The following FER variants were observed in gnomAD, a reference collection of about 807,000 sequenced individuals.
The protein encoded by FER is FER tyrosine kinase, also known as tyrosine-protein kinase Fer.
Under a neutral mutation model 111.0 loss-of-function variants are expected in FER, and 63 were observed. The observed-to-expected ratio is 0.57, with a 90% CI of 0.46 to 0.70. The LOEUF is 0.70. FER is among the 30% of genes least tolerant of loss of function. The probability of loss-of-function intolerance (pLI) is 0.00; values close to 1 mark genes in which losing one functional copy is unlikely to be tolerated. For missense variants in FER, 914 were observed against 954.0 expected, an observed-to-expected ratio of 0.96 and a Z score of 0.55; for synonymous variants, 327 against 313.9, an observed-to-expected ratio of 1.04 and a Z score of -0.44.
chr5:108,809,560 T>G (rs1238469610), intron 3 of FER, among the ~76,000 whole-genome samples: 2 of 152,170 alleles, frequency 1.3e-5, no homozygotes, highest in African/African-American at 2.4e-5. Context: ...TACTTTGAAT[T>G]TTTTGTTTTG....
chr5:109,016,619 T>C lies in FER; in HGVS notation c.1657-20803T>C, dbSNP rs145502182. On this transcript the variant is annotated intron_variant, in intron 13 of 19. Coordinates refer to ENST00000281092, the MANE Select transcript of FER (RefSeq NM_005246.4). ...CACAGATGTAAATCAAATGACTTAATTGTAGGTCGCTTGTCAAACAAAAAG... is the reference window on the plus strand; with the variant it reads ...CACAGATGTAAATCAAATGACTTAACTGTAGGTCGCTTGTCAAACAAAAAG... 1.2e-3 allele frequency among the ~76,000 whole-genome samples: 184 copies of C among 152,182 alleles called. 3 individuals are homozygous for C. In the East Asian group the frequency reaches 0.034, roughly 28 times the overall value.
chr5:108,749,540 C>A (rs1237289527), intron 1 of FER, among the ~76,000 whole-genome samples: 2 of 152,184 alleles, frequency 1.3e-5, no homozygotes, highest in African/African-American at 4.8e-5. Flanking sequence ...CCCATCCCTT[C>A]CTGCTTCTGG....
chr5:109,004,818 G>A (rs993843076), intron 13 of FER, among the ~76,000 whole-genome samples: 3 of 151,958 alleles, frequency 2.0e-5, no homozygotes, highest in Non-Finnish European at 2.9e-5. Context: ...GTTCATTTTA[G>A]GTTGTTTGTT....
intron 2 of FER, among the ~76,000 whole-genome samples, chr5:108,793,235 T>C (rs892555814): frequency 2.0e-5 from 3 of 152,188 alleles, no homozygotes; most frequent in Admixed American, 1.3e-4. Flanking sequence ...ATTGTCTTTC[T>C]GTGTCTGGCT....
intron 10 of FER, among the ~76,000 whole-genome samples, chr5:108,917,989 A>G (rs1189444621): frequency 6.6e-6 from 1 of 152,208 alleles, no homozygotes; most frequent in Non-Finnish European, 1.5e-5. Flanking sequence ...AGCTAATGAC[A>G]ACAACATTCA....
intron 13 of FER, among the ~76,000 whole-genome samples, chr5:108,962,879 T>A (rs994178923): frequency 4.0e-4 from 61 of 152,318 alleles, no homozygotes; most frequent in African/African-American, 1.4e-3. Context: ...TGAGCCCACA[T>A]TCTTAACCAC....
At chr5:108,764,802 A>T (rs1752136441) in intron 1 of FER, among the ~76,000 whole-genome samples, 1 of 152,338 alleles carries the variant, frequency 6.6e-6, no homozygotes, top group Non-Finnish European at 1.5e-5. Context: ...GGGGATATTT[A>T]TTAGAGAAGT....
chr5:108,891,181 G>A (rs1041894589), intron 9 of FER, among the ~76,000 whole-genome samples: 18 of 152,102 alleles, frequency 1.2e-4, no homozygotes, highest in African/African-American at 4.1e-4. Flanking sequence ...TCCTGTTTTC[G>A]TGAAATACCT....
At chr5:108,808,885 C>T (rs1757465633) in intron 3 of FER, among the ~76,000 whole-genome samples, 1 of 152,164 alleles carries the variant, frequency 6.6e-6, no homozygotes, top group African/African-American at 2.4e-5. Context: ...ATTGGAATTT[C>T]TTTTCTTAAA....
In FER at chr5:108,991,748, G is replaced by A. The variant is rs144261288; in HGVS notation, c.1656+32401G>A. Among the ~76,000 whole-genome samples the A allele has an allele frequency of 1.5e-3, 221 of 151,682 alleles. 3 individuals carry two copies. In the East Asian group the frequency reaches 0.038, roughly 26 times the overall value. On this transcript the variant is annotated intron_variant, in intron 13 of 19. Transcript: ENST00000281092. ...CTATTTTACTCAGGAAAAATTTTCTGTTATAACCACTTTAAAGCTCTCAAG... is the reference window on the plus strand; with the variant it reads ...CTATTTTACTCAGGAAAAATTTTCTATTATAACCACTTTAAAGCTCTCAAG...
At position 108,768,073 on chromosome 5, in the gene FER, C is replaced by G. The variant is rs1309734034; in HGVS notation, c.-205-20C>G. 6.6e-6 allele frequency: 1 copy of G among 152,158 alleles called. No homozygotes were observed. The highest frequency in any genetic ancestry group is 1.5e-5 in the Non-Finnish European group (1 of 68,032). The allele number at this position is 152,158 out of a possible 1,614,324, so 9.4% of individuals were successfully genotyped here. ...TTCTCTGTAGTGAACAGTTCTGACT[C>G]CTTGAATTTCTTCTTGCAGCTCATG... On this transcript the variant is annotated intron_variant, in intron 1 of 19. Coordinates refer to ENST00000281092, the MANE Select transcript of FER (RefSeq NM_005246.4).
chr5:108,757,182 A>G (rs1387444797), intron 1 of FER, among the ~76,000 whole-genome samples: 3 of 152,314 alleles, frequency 2.0e-5, no homozygotes, highest in Admixed American at 6.5e-5. Context: ...AGTTTCAGCT[A>G]TTTGGGAGCA....
chr5:109,135,275 C>T (rs184299810), intron 17 of FER, among the ~76,000 whole-genome samples: 99 of 152,248 alleles, frequency 6.5e-4, no homozygotes, highest in African/African-American at 2.4e-3. Flanking sequence ...TTAATCCTCA[C>T]AAAATCCTTG....
At chr5:109,173,761 C>CT (rs1561990518) in intron 17 of FER, among the ~76,000 whole-genome samples, 1 of 146,736 alleles carries the variant, frequency 6.8e-6, no homozygotes, top group African/African-American at 2.5e-5. Flanking sequence ...GTACCTCCCC[C>CT]CCCCCCACAA....
At chr5:108,775,732 G>A (rs1169846061) in intron 2 of FER, among the ~76,000 whole-genome samples, 1 of 152,136 alleles carries the variant, frequency 6.6e-6, no homozygotes, top group African/African-American at 2.4e-5. Context: ...AATTAAGAAA[G>A]CATAGGAGGA....
chr5:108,849,788 A>C (rs1198242676), intron 5 of FER, among the ~76,000 whole-genome samples: 1 of 152,190 alleles, frequency 6.6e-6, no homozygotes, highest in Non-Finnish European at 1.5e-5. Context: ...AACATTTCTA[A>C]TAAAGCTATA....
intron 13 of FER, among the ~76,000 whole-genome samples, chr5:109,029,223 T>TC (rs1441755970): frequency 1.3e-4 from 20 of 149,370 alleles, no homozygotes; most frequent in African/African-American, 4.4e-4. Context: ...AGGCTTTCTT[T>TC]TTTTTTTTTT....
At chr5:108,907,633 T>C (rs1161602583) in intron 10 of FER, among the ~76,000 whole-genome samples, 1 of 152,088 alleles carries the variant, frequency 6.6e-6, no homozygotes, top group African/African-American at 2.4e-5. Flanking sequence ...GCCATGGATG[T>C]AGATAACCTG....
chr5:109,035,683 T>C (rs1770287421), intron 13 of FER, among the ~76,000 whole-genome samples: 1 of 152,202 alleles, frequency 6.6e-6, no homozygotes. Flanking sequence ...GATGTGTATG[T>C]TTAACTTTAT....
Sources: allele counts gnomAD v4.1 joint callset (sites outside exome capture counted in the v4.1 genomes callset), GRCh38; gene constraint gnomAD v4.1.1; transcripts MANE v1.5; gene names NCBI Gene and HGNC (gene_info 2026-07-23, HGNC 2026-07-21).